The following PLOD2 variants were observed in gnomAD, a reference collection of about 807,000 sequenced individuals.
PLOD2 encodes procollagen-lysine,2-oxoglutarate 5-dioxygenase 2, also known as lysine hydroxylase 2.
A neutral mutation model predicts 101.0 loss-of-function variants in PLOD2; 65 were observed. The ratio of observed to expected loss-of-function variants is 0.64; its 90% CI spans 0.53 to 0.79. PLOD2 has a LOEUF of 0.79. Ranked by LOEUF, PLOD2 falls within the 30% of genes least tolerant of loss-of-function variation. PLOD2 has a pLI of 0.00. For missense variants in PLOD2, 909 were observed against 914.6 expected, an observed-to-expected ratio of 0.99 and a Z score of 0.08; for synonymous variants, 314 against 302.9, an observed-to-expected ratio of 1.04 and a Z score of -0.38.
At chr3:146,094,031 C>T (rs1226370357) in intron 7 of PLOD2, among the ~76,000 whole-genome samples, 4 of 152,166 alleles carry the variant, frequency 2.6e-5, no homozygotes, top group Non-Finnish European at 5.9e-5. Context: ...CATCTGTTTT[C>T]CTCATGAAAA....
intron 1 of PLOD2, among the ~76,000 whole-genome samples, chr3:146,147,783 G>C (rs139332706): frequency 1.6e-4 from 24 of 152,286 alleles, no homozygotes; most frequent in African/African-American, 5.8e-4. Context: ...ATCTAATTCA[G>C]TGATGTATAC....
At chr3:146,122,332 C>T in intron 2 of PLOD2, among the ~76,000 whole-genome samples, 1 of 152,158 alleles carries the variant, frequency 6.6e-6, no homozygotes, top group Non-Finnish European at 1.5e-5. Flanking sequence ...CCTCCTCTGG[C>T]CCTGAGATTT....
intron 2 of PLOD2, among the ~76,000 whole-genome samples, chr3:146,123,621 G>C (rs556299608): frequency 6.6e-6 from 1 of 151,754 alleles, no homozygotes; most frequent in Non-Finnish European, 1.5e-5. Context: ...ATCATCCTAC[G>C]ATAGCAAAAC....
intron 4 of PLOD2, among the ~76,000 whole-genome samples, chr3:146,107,546 T>C (rs545708520): frequency 1.8e-3 from 272 of 151,686 alleles, no homozygotes; most frequent in South Asian, 3.7e-3. Context: ...ATTACTGTTA[T>C]TGGAGAAAAA....
intron 7 of PLOD2, among the ~76,000 whole-genome samples, chr3:146,098,546 T>C: frequency 6.6e-6 from 1 of 152,078 alleles, no homozygotes; most frequent in East Asian, 1.9e-4. Flanking sequence ...ACATAAAAAC[T>C]GAAAACAGCT....
At chr3:146,118,080 A>C (rs1458366604) in intron 3 of PLOD2, among the ~76,000 whole-genome samples, 1 of 152,038 alleles carries the variant, frequency 6.6e-6, no homozygotes, top group Non-Finnish European at 1.5e-5. Context: ...AGCCAAAGTG[A>C]AAATGTACAT....
Position 146,079,169 on chromosome 3 carries a change from C to A in PLOD2, c.1447G>T (p.Val483Phe). 6.2e-7 allele frequency: 1 copy of A among 1,612,662 alleles called. No individual in the cohort carries two copies. The highest frequency in any genetic ancestry group is 1.3e-5 in the African/African-American group (1 of 74,990). Residue 483 changes from valine (V) to phenylalanine (F), a missense_variant, in exon 13 of 20, where the codon GTT becomes TTT. Transcript: ENST00000282903. ...RSEMNERNYF[V>F]RDKLDPDMAL... Reference sequence around the variant, plus strand: ...ATATCAGGATCCAGTTTATCACGAACAAAATAGTTCCTTTCATTCATCTCT... The same window carrying A: ...ATATCAGGATCCAGTTTATCACGAAAAAAATAGTTCCTTTCATTCATCTCT...
chr3:146,116,034 C>T (rs1242219813), intron 3 of PLOD2, among the ~76,000 whole-genome samples: 4 of 152,172 alleles, frequency 2.6e-5, no homozygotes, highest in Non-Finnish European at 5.9e-5. Context: ...TGTCATTTAG[C>T]CCCAATCCTT....
chr3:146,096,995 G>A (rs1937203404), intron 7 of PLOD2, among the ~76,000 whole-genome samples: 1 of 145,788 alleles, frequency 6.9e-6, no homozygotes, highest in Non-Finnish European at 1.5e-5. Context: ...GGCCGGGAGG[G>A]AGGTGGGGGG....
rs76418499 is a variant in PLOD2 at position 146,078,528 on chromosome 3, C to A, written c.1500+588G>T. 8.7e-3 allele frequency among the ~76,000 whole-genome samples: 1,326 copies of A among 151,846 alleles called. 12 individuals carry two copies. The highest frequency in any genetic ancestry group is 0.03 in the African/African-American group (1,253 of 41,490). ...GCATTTTGAAAAATTATTTTCTAGT[C>A]ATTTTAAGTTTTATAATAAAAGTAC... is the stretch of plus-strand genomic sequence containing the variant. On this transcript the variant is annotated intron_variant, in intron 13 of 19. Transcript: ENST00000282903.
chr3:146,081,951 A>G, intron 11 of PLOD2, 88 bp from the exon 12 acceptor site: 1 of 1,183,950 alleles, frequency 8.4e-7, no homozygotes, highest in Non-Finnish European at 1.2e-6. Context: ...TTTTGGGCTT[A>G]GTATGACATA....
At chr3:146,095,869 C>A (rs1239591849) in intron 7 of PLOD2, among the ~76,000 whole-genome samples, 1 of 127,460 alleles carries the variant, frequency 7.8e-6, no homozygotes, top group Non-Finnish European at 1.7e-5. Context: ...CCCCTCTCCC[C>A]TCTCCCCTCT....
intron 1 of PLOD2, among the ~76,000 whole-genome samples, chr3:146,144,178 A>G (rs2108129470): frequency 6.6e-6 from 1 of 152,274 alleles, no homozygotes; most frequent in Middle Eastern, 3.4e-3. Flanking sequence ...TAAGATTTAT[A>G]CCTTCCCAAT....
chr3:146,139,621 A>G (rs558401035), intron 1 of PLOD2, among the ~76,000 whole-genome samples: 1 of 152,288 alleles, frequency 6.6e-6, no homozygotes, highest in Non-Finnish European at 1.5e-5. Flanking sequence ...CTGCACATCC[A>G]ATATTTTACT....
At chr3:146,133,372 G>A (rs2031038119) in intron 1 of PLOD2, among the ~76,000 whole-genome samples, 1 of 152,060 alleles carries the variant, frequency 6.6e-6, no homozygotes, top group Non-Finnish European at 1.5e-5. Context: ...ACTTCAGAAA[G>A]TCATTAATAC....
chr3:146,110,285 C>T lies in PLOD2; in HGVS notation c.502G>A (p.Gly168Arg). Residue 168 changes from glycine to arginine, a missense_variant and splice_region_variant, in exon 4 of 20, where the codon GGA (glycine) becomes AGA (arginine). By Grantham distance (125) the Gly-to-Arg change is moderately radical. Transcript: ENST00000282903. ...HIGKRYLNSG[G>R]FIGYAPYVNR... Reference sequence around the variant, plus strand: ...ACTTTTCTTCCAGTATCTAACTCACCTCCTGAATTCAGATAGCGTTTCCCA... The same window carrying T: ...ACTTTTCTTCCAGTATCTAACTCACTTCCTGAATTCAGATAGCGTTTCCCA... 6.2e-7 allele frequency: 1 copy of T among 1,612,958 alleles called. No homozygotes were observed. The highest frequency in any genetic ancestry group is 8.5e-7 in the Non-Finnish European group (1 of 1,179,140).
intron 3 of PLOD2, among the ~76,000 whole-genome samples, chr3:146,119,459 T>C (rs984934185): frequency 4.6e-5 from 7 of 151,748 alleles, no homozygotes; most frequent in Non-Finnish European, 8.8e-5. Context: ...TTTTTTATTA[T>C]ACTTTAAGTT....
At chr3:146,071,909 A>ACTCCG in intron 17 of PLOD2, among the ~76,000 whole-genome samples, 1 of 151,362 alleles carries the variant, frequency 6.6e-6, no homozygotes, top group East Asian at 1.9e-4. Context: ...TTCATCACCC[A>ACTCCG]CTAACTTAAG....
At chr3:146,102,204 C>T (rs1199922891) in intron 7 of PLOD2, among the ~76,000 whole-genome samples, 2 of 152,156 alleles carry the variant, frequency 1.3e-5, no homozygotes, top group East Asian at 1.9e-4. Context: ...GCAAAACAAA[C>T]TTTTCATCTA....
Sources: allele counts gnomAD v4.1 joint callset (sites outside exome capture counted in the v4.1 genomes callset), GRCh38; gene constraint gnomAD v4.1.1; transcripts MANE v1.5; gene names NCBI Gene and HGNC (gene_info 2026-07-23, HGNC 2026-07-21).